Variants in ADAR observed in about 807,000 individuals in gnomAD.
The protein encoded by ADAR is double-stranded RNA-specific adenosine deaminase.
A neutral mutation model predicts 113.2 loss-of-function variants in ADAR; 41 were observed. That is an observed-to-expected ratio of 0.36 (90% CI 0.28 to 0.47). The LOEUF is 0.47. ADAR is among the 20% of genes least tolerant of loss of function. ADAR has a pLI of 1.00. For synonymous variants in ADAR, 605 were observed against 572.6 expected, an observed-to-expected ratio of 1.06 and a Z score of -0.81; for missense variants, 1,242 against 1,540.9, an observed-to-expected ratio of 0.81 and a Z score of 3.25.
chr1:154,617,356 AG>A (rs1698660930), intron 1 of ADAR, among the ~76,000 whole-genome samples: 1 of 152,200 alleles, frequency 6.6e-6, no homozygotes, highest in African/African-American at 2.4e-5. Context: ...CTTTGATGCC[AG>A]AGTCTAGATT....
In ADAR at chr1:154,602,598, T is replaced by G. The variant is rs1697961105; in HGVS notation, c.44A>C (p.His15Pro). 1.1e-5 allele frequency: 17 copies of G among 1,614,178 alleles called. No individual in the cohort carries two copies. The highest frequency in any genetic ancestry group is 1.7e-5 in the Admixed American group (1 of 60,028). Reference protein sequence around the residue: ...QGYSLSGYYTHPFQGYEHRQL... With the variant: ...QGYSLSGYYTPPFQGYEHRQL... ...TCTGTGCTCATAGCCTTGAAATGGA[T>G]GGGTGTAGTATCCGCTGAGGGAATA... The change falls in exon 2 of 15, where the codon CAT becomes CCT. Residue 15 changes from histidine to proline, a missense_variant. Transcript: ENST00000368474.
At chr1:154,613,281 CTTTTT>C (rs56126079) in intron 1 of ADAR, among the ~76,000 whole-genome samples, 1 of 84,656 alleles carries the variant, frequency 1.2e-5, no homozygotes. Flanking sequence ...TCACAAATGG[CTTTTT>C]TTTTTTTTTT....
At position 154,618,971 on chromosome 1, in the gene ADAR, G is replaced by A. The variant is rs942783215; in HGVS notation, c.-871+8884C>T. Among the ~76,000 whole-genome samples the A allele has an allele frequency of 5.3e-5, 8 of 152,246 alleles. No homozygotes were observed. The East Asian group carries it at 5.8e-4, about 11-fold the overall frequency. On this transcript the variant is annotated intron_variant, in intron 1 of 14. Transcript: ENST00000368471. ...CTAAAAATACAAACATTAGCCGGGC[G>A]TGGTGGCAGGTACTTGTAATCCCAG...
chr1:154,627,506 G>A (rs771421422), intron 1 of ADAR, among the ~76,000 whole-genome samples: 2 of 151,986 alleles, frequency 1.3e-5, no homozygotes, highest in South Asian at 4.1e-4. Flanking sequence ...AGGGAAACAA[G>A]GGCCTTTGGT....
intron 6 of ADAR, among the ~76,000 whole-genome samples, 189 bp downstream of exon 6, chr1:154,596,616 C>A (rs1307958518): frequency 6.6e-6 from 1 of 152,190 alleles, no homozygotes; most frequent in African/African-American, 2.4e-5. Flanking sequence ...ATCATGCTTA[C>A]TGGAAGAGTG....
intron 1 of ADAR, among the ~76,000 whole-genome samples, chr1:154,603,256 C>T (rs959701493): frequency 1.3e-5 from 2 of 152,144 alleles, no homozygotes; most frequent in Admixed American, 1.3e-4. Context: ...AAAACAATCT[C>T]CAGGTGGGAA....
At position 154,616,697 on chromosome 1, in the gene ADAR, A is replaced by G. The variant is rs188292962; in HGVS notation, c.-871+11158T>C. ...AAGTTCCAAGAAGCTAGGGCTATAC[A>G]AGTGTTTTGCTTTCAGCGTGCTCAA... On this transcript the variant is annotated intron_variant, in intron 1 of 14. Coordinates refer to the ADAR transcript ENST00000368471. Among the ~76,000 whole-genome samples, 499 of 152,318 alleles carry G rather than the reference A, an allele frequency of 3.3e-3. 1 individual carries two copies. Among genetic ancestry groups the G allele is most frequent in the African/African-American group, 0.011 (462 of 41,550 alleles).
intron 1 of ADAR, 101 bp from the exon 2 acceptor site, chr1:154,602,727 C>G (rs1697970457): frequency 6.9e-7 from 1 of 1,446,616 alleles, no homozygotes; most frequent in Non-Finnish European, 9.4e-7. Flanking sequence ...CCTTGAAGGG[C>G]TGAGAAGGCA....
chr1:154,583,139 GGA>G lies in ADAR; in HGVS notation c.*1665_*1666del. 1 of 152,290 alleles carries G rather than the reference GGA, an allele frequency of 6.6e-6. No homozygotes were observed. Among genetic ancestry groups the G allele is most frequent in the East Asian group, 1.9e-4 (1 of 5,178 alleles). 9.4% of individuals were successfully genotyped at this position (152,290 alleles called of 1,614,324 possible). On this transcript the variant is annotated 3_prime_UTR_variant, in exon 15 of 15. Coordinates refer to ENST00000368474, the MANE Select transcript of ADAR (RefSeq NM_001111.5). Reference sequence around the variant, plus strand: ...CCCAGATGAAGGTCTGTCATCTAAAGGAGAGAGGCAGGCTCAGCTCCTGAAGG... The same window carrying G: ...CCCAGATGAAGGTCTGTCATCTAAAGGAGAGGCAGGCTCAGCTCCTGAAGG...
intron 1 of ADAR, among the ~76,000 whole-genome samples, chr1:154,615,772 G>A (rs1173943819): frequency 6.6e-6 from 1 of 152,076 alleles, no homozygotes; most frequent in East Asian, 1.9e-4. Flanking sequence ...CAGAATTAGA[G>A]CTTTTAGTTT....
upstream of ADAR, among the ~76,000 whole-genome samples, chr1:154,610,680 T>G (rs751307230): frequency 4.6e-5 from 7 of 151,790 alleles, no homozygotes; most frequent in Non-Finnish European, 7.4e-5. Context: ...CATGGTGGCG[T>G]GTGCCTGTAG....
chr1:154,598,878 T>A lies in ADAR; in HGVS notation c.1602-293A>T, dbSNP rs77856300. On this transcript the variant is annotated intron_variant, in intron 2 of 14. Transcript: ENST00000368474. ...CTATCTCTTTAACAATGAATTAAGA[T>A]AAAACCCACACACACAAAAATGATG... 8.7e-3 allele frequency among the ~76,000 whole-genome samples: 1,327 copies of A among 152,336 alleles called. 23 individuals carry two copies. The highest frequency in any genetic ancestry group is 0.03 in the African/African-American group (1,262 of 41,576).
At chr1:154,591,425 G>A (rs1697139334) in intron 6 of ADAR, among the ~76,000 whole-genome samples, 1 of 152,262 alleles carries the variant, frequency 6.6e-6, no homozygotes, top group South Asian at 2.1e-4. Context: ...AGGGACCCAG[G>A]TTTTGCTGGG....
At chr1:154,608,354 G>T (rs1204711819), upstream of ADAR, 4 of 360,370 alleles carry the variant, frequency 1.1e-5, no homozygotes, top group Non-Finnish European at 2.0e-5. Flanking sequence ...TTGAGGCGGA[G>T]TCTCGCTCTT....
Position 154,588,231 on chromosome 1 carries a change from G to A in ADAR, c.2913C>T (p.Leu971=). Residue 971 remains leucine (L), a synonymous_variant, in exon 11 of 15, where the codon CTC becomes CTT. Coordinates refer to ENST00000368474, the MANE Select transcript of ADAR (RefSeq NM_001111.5). The stretch of plus-strand genomic sequence containing the variant: ...CACGGTCGCTGCAGGACTTGTCAAA[G>A]AGGGCGCCATCTCCACACGGAGCAG... ...ISTAPCGDGA[L]FDKSCSDRAM... 1 of 1,614,102 alleles carries A rather than the reference G, an allele frequency of 6.2e-7. No individual in the cohort carries two copies.
chr1:154,597,483 C>T (rs1697578031), intron 4 of ADAR, among the ~76,000 whole-genome samples: 1 of 152,162 alleles, frequency 6.6e-6, no homozygotes, highest in Non-Finnish European at 1.5e-5. Context: ...CTAGTTTCAC[C>T]TCTTCCAGGA....
rs933282547 is a variant in ADAR, at chr1:154,588,264, A to G, written c.2886-6T>C. On this transcript the variant is annotated splice_polypyrimidine_tract_variant and splice_region_variant and intron_variant, in intron 10 of 14. Transcript: ENST00000368474. ...CATCTCCACACGGAGCAGTGCTGAA[A>G]AACAGGGGTGGCTGTTAAAACTCAC... The G allele has an allele frequency of 6.2e-7, 1 of 1,614,178 alleles. No individual in the cohort carries two copies. The highest frequency in any genetic ancestry group is 1.3e-5 in the African/African-American group (1 of 75,044).
chr1:154,587,223 A>G (rs574251564), intron 11 of ADAR, among the ~76,000 whole-genome samples: 2 of 152,342 alleles, frequency 1.3e-5, no homozygotes, highest in Admixed American at 1.3e-4. Context: ...TGGACATTTC[A>G]TATAAATGGA....
Position 154,608,158 on chromosome 1 carries a change from G to T in ADAR, c.-152C>A. 1 of 938,450 alleles carries T rather than the reference G, an allele frequency of 1.1e-6. No individual in the cohort carries two copies. 58.1% of individuals were successfully genotyped at this position (938,450 alleles called of 1,614,324 possible). On this transcript the variant is annotated 5_prime_UTR_variant, in exon 1 of 15. Transcript: ENST00000368474. Reference sequence around the variant, plus strand: ...TCGGCACGGGAAACTCCGCGGGTCTGCGCGCCGGGCCCAAGATGGCTCCGG... The same window carrying T: ...TCGGCACGGGAAACTCCGCGGGTCTTCGCGCCGGGCCCAAGATGGCTCCGG...
Sources: gnomAD v4.1 joint callset for allele counts (sites outside exome capture counted in the v4.1 genomes callset) on GRCh38, gnomAD v4.1.1 for gene constraint, MANE v1.5 for transcripts, NCBI Gene and HGNC (gene_info 2026-07-23, HGNC 2026-07-21) for gene names.